The following UNC13B variants were observed in gnomAD, a reference collection of about 807,000 sequenced individuals.
UNC13B encodes the protein protein unc-13 homolog B.
In UNC13B, 144 loss-of-function variants were observed where a neutral mutation model predicts 211.0. That is an observed-to-expected ratio of 0.68 (90% CI 0.60 to 0.78). UNC13B has a LOEUF of 0.78. UNC13B is among the 30% of genes least tolerant of loss of function. The pLI, the probability that UNC13B is intolerant of heterozygous loss-of-function variation, is 0.00. For missense variants in UNC13B, 1,777 were observed against 2,002.0 expected (o/e 0.89, Z 2.14); for synonymous variants, 709 against 725.8 (o/e 0.98, Z 0.37).
Position 35,370,325 on chromosome 9 carries a change from G to A in UNC13B, c.9469G>A (p.Gly3157Arg), listed in dbSNP as rs775663236. The change falls in exon 13 of 40, where the codon GGA becomes AGA. Residue 3157 changes from glycine (G) to arginine (R), a missense_variant. Gly to Arg is a moderately radical substitution (Grantham distance 125). Transcript: ENST00000635942. Reference protein sequence around the residue: ...LPQWLPEGPAGGLYGIDSMPD... With the variant: ...LPQWLPEGPARGLYGIDSMPD... ...ATTTTCTTCTCTCCTCAGGCCAGCC[G>A]GAGGGCTCTATGGCATTGACAGCAT... is the stretch of plus-strand genomic sequence containing the variant. The A allele has an allele frequency of 1.1e-5, 18 of 1,613,694 alleles. No individual in the cohort carries two copies. Among genetic ancestry groups the A allele is most frequent in the East Asian group, 4.5e-5 (2 of 44,892 alleles).
intron 3 of UNC13B, among the ~76,000 whole-genome samples, chr9:35,235,350 A>G (rs1048611062): frequency 1.3e-5 from 2 of 152,178 alleles, no homozygotes; most frequent in Non-Finnish European, 2.9e-5. Context: ...CACACTCTAG[A>G]GCCCCTCACT....
intron 7 of UNC13B, among the ~76,000 whole-genome samples, chr9:35,275,391 T>G (rs376252702): frequency 2.0e-5 from 3 of 152,144 alleles, no homozygotes; most frequent in African/African-American, 7.2e-5. Flanking sequence ...TGTATAGGAG[T>G]TTTAAAATAT....
intron 22 of UNC13B, chr9:35,385,190 AAATTCCTAAG>A: frequency 3.0e-6 from 3 of 985,446 alleles, no homozygotes; most frequent in Non-Finnish European, 3.6e-6. Context: ...GGATGGCTGG[AAATTCCTAAG>A]GAACTCACTC....
At chr9:35,346,315 A>G (rs1832355078) in intron 11 of UNC13B, among the ~76,000 whole-genome samples, 1 of 152,164 alleles carries the variant, frequency 6.6e-6, no homozygotes, top group Non-Finnish European at 1.5e-5. Context: ...GCCTTTTCCC[A>G]GAGGTCCCCT....
At position 35,332,688 on chromosome 9, in the gene UNC13B, A is replaced by G. The variant is rs980716178; in HGVS notation, c.9414+18699A>G. Among the ~76,000 whole-genome samples the G allele has an allele frequency of 6.8e-4, 104 of 152,282 alleles. 2 individuals carry two copies. In the Middle Eastern group the frequency reaches 0.02, roughly 30 times the overall value. Reference sequence around the variant, plus strand: ...ATTACTGCCAGATTTATCTTTCTGAAATAGAGCTCGAGTCATGGCTACCAT... The same window carrying G: ...ATTACTGCCAGATTTATCTTTCTGAGATAGAGCTCGAGTCATGGCTACCAT... On this transcript the variant is annotated intron_variant, in intron 11 of 39. Coordinates refer to ENST00000635942, the MANE Select transcript of UNC13B (RefSeq NM_001371189.2).
At chr9:35,293,376 C>T (rs1829189028) in intron 7 of UNC13B, among the ~76,000 whole-genome samples, 1 of 152,218 alleles carries the variant, frequency 6.6e-6, no homozygotes. Flanking sequence ...GCTTCTAACT[C>T]TGGCTGAGCT....
rs1410465047 is a variant in UNC13B at position 35,399,268 on chromosome 9, C to A, written c.12182C>A (p.Pro4061Gln). Residue 4061 changes from proline to glutamine, a missense_variant, in exon 34 of 40, where the codon CCA (proline) becomes CAA (glutamine). Coordinates refer to ENST00000635942, the MANE Select transcript of UNC13B (RefSeq NM_001371189.2). ...NTMERMIVLPPLTDQTGTQLI... is the reference protein window; with the variant it reads ...NTMERMIVLPQLTDQTGTQLI... ...ATGGAGAGGATGATTGTTCTGCCCC[C>A]ACTCACTGACCAGACGGTAAGGACA... is the stretch of plus-strand genomic sequence containing the variant. 8 of 1,614,054 alleles carry A rather than the reference C, an allele frequency of 5.0e-6. No homozygotes were observed. The East Asian group carries it at 6.7e-5, about 13-fold the overall frequency.
intron 26 of UNC13B, among the ~76,000 whole-genome samples, chr9:35,391,763 A>G (rs1210552316): frequency 2.0e-5 from 3 of 152,190 alleles, no homozygotes; most frequent in Admixed American, 2.0e-4. Context: ...TGAAAAGTGA[A>G]TCAACTCCAC....
Position 35,194,536 on chromosome 9 carries a change from C to T in UNC13B, c.22+32231C>T, listed in dbSNP as rs180942926. Among the ~76,000 whole-genome samples, 277 of 152,296 alleles carry T rather than the reference C, an allele frequency of 1.8e-3. 1 individual carries two copies. Among genetic ancestry groups the T allele is most frequent in the African/African-American group, 6.4e-3 (264 of 41,566 alleles). On this transcript the variant is annotated intron_variant, in intron 1 of 39. Coordinates refer to ENST00000635942, the MANE Select transcript of UNC13B (RefSeq NM_001371189.2). ...CAACATGCCCAGCAACCCATGGGTGCTGGGGGATTCTCCATTTTCTTCCCA... is the reference window on the plus strand; with the variant it reads ...CAACATGCCCAGCAACCCATGGGTGTTGGGGGATTCTCCATTTTCTTCCCA...
intron 37 of UNC13B, among the ~76,000 whole-genome samples, chr9:35,401,011 C>T (rs1392865915): frequency 2.0e-5 from 3 of 152,266 alleles, no homozygotes; most frequent in East Asian, 1.9e-4. Flanking sequence ...CCGGTTTTCT[C>T]CCAGTGACTT....
In UNC13B at chr9:35,377,667, C is replaced by G. The variant is rs529778679; in HGVS notation, c.10035C>G (p.Ser3345=). The change falls in exon 16 of 40, where the codon TCC becomes TCG. Residue 3345 remains serine, a synonymous_variant. Transcript: ENST00000635942. ...TVKQSVLDGT[S]KWSAKITITV... is the part of the protein sequence containing the mutation. ...AGCAGAGTGTACTGGATGGCACCTC[C>G]AAATGGTCAGCCAAGATCACCATTA... The G allele has an allele frequency of 1.2e-6, 2 of 1,614,078 alleles. No homozygotes were observed. Among genetic ancestry groups the G allele is most frequent in the African/African-American group, 2.7e-5 (2 of 75,040 alleles).
intron 1 of UNC13B, among the ~76,000 whole-genome samples, chr9:35,188,230 C>T (rs1182374292): frequency 6.6e-6 from 1 of 152,136 alleles, no homozygotes; most frequent in South Asian, 2.1e-4. Flanking sequence ...AAAAAACTCA[C>T]ATTTGAGAAC....
intron 8 of UNC13B, among the ~76,000 whole-genome samples, chr9:35,299,165 G>A (rs1355592073): frequency 6.6e-6 from 1 of 152,112 alleles, no homozygotes; most frequent in Non-Finnish European, 1.5e-5. Flanking sequence ...CCAGGAGGCG[G>A]ACATTGCAAT....
intron 11 of UNC13B, chr9:35,364,410 C>A: frequency 1.1e-6 from 1 of 871,328 alleles, no homozygotes. Context: ...CTATGAACTG[C>A]CTAGTTGTCC....
At chr9:35,337,856 G>A (rs1831751602) in intron 11 of UNC13B, among the ~76,000 whole-genome samples, 1 of 152,206 alleles carries the variant, frequency 6.6e-6, no homozygotes, top group Non-Finnish European at 1.5e-5. Flanking sequence ...AAGCCATAAA[G>A]AACTGAGGGG....
chr9:35,182,807 A>C (rs1002497301), intron 1 of UNC13B, among the ~76,000 whole-genome samples: 7 of 152,258 alleles, frequency 4.6e-5, no homozygotes, highest in Middle Eastern at 3.2e-3. Flanking sequence ...ATAGATTAAC[A>C]GCATCCCAAG....
Position 35,183,108 on chromosome 9 carries a change from T to A in UNC13B, c.22+20803T>A, listed in dbSNP as rs10972373. Among the ~76,000 whole-genome samples the A allele has an allele frequency of 9.9e-4, 131 of 132,008 alleles. 2 individuals are homozygous for A. Among genetic ancestry groups the A allele is most frequent in the Middle Eastern group, 8.1e-3 (2 of 248 alleles). 86.6% of individuals were successfully genotyped at this position (132,008 alleles called of 152,430 possible). On this transcript the variant is annotated intron_variant, in intron 1 of 39. Transcript: ENST00000635942. ...CCCAGACGGGGCGGCCTGGCAGAGG[T>A]GCTCCTCACCTCCCAGACGGGGTGG...
At chr9:35,284,375 G>A (rs1828673924) in intron 7 of UNC13B, among the ~76,000 whole-genome samples, 1 of 152,144 alleles carries the variant, frequency 6.6e-6, no homozygotes, top group Non-Finnish European at 1.5e-5. Context: ...AGTGGATGTT[G>A]AACATTTCAA....
At chr9:35,312,116 G>T (rs1830208689) in intron 10 of UNC13B, among the ~76,000 whole-genome samples, 1 of 152,154 alleles carries the variant, frequency 6.6e-6, no homozygotes, top group South Asian at 2.1e-4. Flanking sequence ...ATTTCCCCTG[G>T]CGGGGACAGT....
Sources: allele counts gnomAD v4.1 joint callset (sites outside exome capture counted in the v4.1 genomes callset), GRCh38; gene constraint gnomAD v4.1.1; transcripts MANE v1.5; gene names NCBI Gene and HGNC (gene_info 2026-07-23, HGNC 2026-07-21).